The following PXDN variants were observed in gnomAD, a reference collection of about 807,000 sequenced individuals.
PXDN encodes the protein peroxidasin, also known as peroxidasin homolog.
PXDN carries 77 observed loss-of-function variants against 140.3 expected under a neutral mutation model. The ratio of observed to expected loss-of-function variants is 0.55; its 90% CI spans 0.46 to 0.66. The LOEUF (loss-of-function observed/expected upper bound fraction) is 0.66, where lower values mean the gene tolerates loss of function less well. Among genes scored for constraint, PXDN ranks in the 30% least tolerant of loss-of-function variants. The pLI, the probability that PXDN is intolerant of heterozygous loss-of-function variation, is 0.00. For synonymous variants in PXDN, 911 were observed against 857.4 expected, an observed-to-expected ratio of 1.06 and a Z score of -1.09; for missense variants, 1,838 against 2,039.5, an observed-to-expected ratio of 0.90 and a Z score of 1.90.
At chr2:1,691,250 G>A (rs1572163349) in intron 3 of PXDN, among the ~76,000 whole-genome samples, 3 of 152,134 alleles carry the variant, frequency 2.0e-5, no homozygotes, top group Admixed American at 6.6e-5. Flanking sequence ...AAAAGCACAC[G>A]ACACACACTT....
At chr2:1,643,701 G>A in intron 18 of PXDN, 125 bp from the exon 19 acceptor site, 1 of 977,528 alleles carries the variant, frequency 1.0e-6, no homozygotes, top group Middle Eastern at 2.2e-4. Context: ...TTGATTAGGT[G>A]TCACTTAAAA....
intron 1 of PXDN, among the ~76,000 whole-genome samples, chr2:1,698,179 C>A (rs1398878934): frequency 1.3e-5 from 2 of 152,190 alleles, no homozygotes; most frequent in African/African-American, 2.4e-5. Flanking sequence ...AGAAGGACGA[C>A]AAGTTTGTGT....
chr2:1,712,603 G>A (rs1449652077), intron 1 of PXDN, among the ~76,000 whole-genome samples: 1 of 152,224 alleles, frequency 6.6e-6, no homozygotes, highest in Non-Finnish European at 1.5e-5. Flanking sequence ...GAATCCCCAG[G>A]GACGGCCTGA....
chr2:1,726,860 T>C (rs1685198067), intron 1 of PXDN, among the ~76,000 whole-genome samples: 1 of 152,204 alleles, frequency 6.6e-6, no homozygotes, highest in East Asian at 1.9e-4. Flanking sequence ...TGTCCGTAAT[T>C]CTTAGCAAAG....
intron 17 of PXDN, 27 bp from the exon 18 acceptor site, chr2:1,644,779 C>A (rs1417157336): frequency 1.4e-6 from 2 of 1,466,864 alleles, no homozygotes; most frequent in Non-Finnish European, 1.8e-6. Context: ...AAACTGAAAT[C>A]TACCTAACAA....
chr2:1,687,394 G>GT lies in PXDN; in HGVS notation c.416+237dup, dbSNP rs1553364864. 3.3e-5 allele frequency among the ~76,000 whole-genome samples: 5 copies of GT among 152,142 alleles called. No individual in the cohort carries two copies. The highest frequency in any genetic ancestry group is 2.9e-5 in the Non-Finnish European group (2 of 68,026). On this transcript the variant is annotated intron_variant, in intron 4 of 22. Coordinates refer to ENST00000252804, the MANE Select transcript of PXDN (RefSeq NM_012293.3). The surrounding 1 kb of genome is among the most constrained non-coding windows in gnomAD (Gnocchi z 4.0). ...GCATGGCCCAGGGCCTGGTGCCGCCGTAAGGAAACCAGGGATACGTCCTGA... is the reference window on the plus strand; with the variant it reads ...GCATGGCCCAGGGCCTGGTGCCGCCGTTAAGGAAACCAGGGATACGTCCTGA...
rs767152881 is a variant in PXDN at position 1,657,545 on chromosome 2, G to A, written c.1838-3037C>T. 1.2e-4 allele frequency among the ~76,000 whole-genome samples: 17 copies of A among 141,864 alleles called. No individual in the cohort carries two copies. In the South Asian group the frequency reaches 2.7e-3, roughly 23 times the overall value. 93.1% of individuals were successfully genotyped at this position (141,864 alleles called of 152,430 possible). On this transcript the variant is annotated intron_variant, in intron 14 of 22. Coordinates refer to ENST00000252804, the MANE Select transcript of PXDN (RefSeq NM_012293.3). ...CCTCCTGACTGGGACCTGCCCTCTC[G>A]TGACAGACACCTGGCCCTCCTGCCT...
At chr2:1,715,689 G>C (rs963560220) in intron 1 of PXDN, among the ~76,000 whole-genome samples, 1 of 152,150 alleles carries the variant, frequency 6.6e-6, no homozygotes, top group Non-Finnish European at 1.5e-5. Flanking sequence ...GATGGAAACA[G>C]CCAGGGAAAT....
intron 1 of PXDN, among the ~76,000 whole-genome samples, chr2:1,719,090 G>A (rs1006759109): frequency 9.8e-5 from 15 of 152,342 alleles, no homozygotes; most frequent in East Asian, 1.9e-4. Context: ...CTGCACTGGC[G>A]CAGTCATGGC....
intron 1 of PXDN, among the ~76,000 whole-genome samples, chr2:1,741,155 C>T (rs1685534664): frequency 6.6e-6 from 1 of 152,100 alleles, no homozygotes; most frequent in African/African-American, 2.4e-5. Context: ...AGCACCCTAG[C>T]GGCGTGACCG....
intron 15 of PXDN, 80 bp downstream of exon 15, chr2:1,654,320 G>A: frequency 1.1e-6 from 1 of 930,178 alleles, no homozygotes. Flanking sequence ...TATTAGAACT[G>A]CATGCATTCT....
chr2:1,664,951 G>T lies in PXDN; in HGVS notation c.1408+7C>A. ...GGGAGCAGGCAAAGGGCCGGCCTGGGTCTTACCTCCCTTGGTCCAGGCGAT... is the reference window on the plus strand; with the variant it reads ...GGGAGCAGGCAAAGGGCCGGCCTGGTTCTTACCTCCCTTGGTCCAGGCGAT... On this transcript the variant is annotated splice_region_variant and intron_variant, in intron 11 of 22. Transcript: ENST00000252804. 6.3e-7 allele frequency: 1 copy of T among 1,592,452 alleles called. No homozygotes were observed. Among genetic ancestry groups the T allele is most frequent in the Non-Finnish European group, 8.6e-7 (1 of 1,163,058 alleles).
In PXDN at chr2:1,663,775, TGG is replaced by T. The variant is rs1286582382; in HGVS notation, c.1409-14_1409-13del. ...GGAGAGCTGGCTCCCTGCAAGGGCA[TGG>T]GCCCGTTACACTGGACACTCGGACG... On this transcript the variant is annotated splice_polypyrimidine_tract_variant and intron_variant, in intron 11 of 22. Coordinates refer to ENST00000252804, the MANE Select transcript of PXDN (RefSeq NM_012293.3). 1 of 1,610,636 alleles carries T rather than the reference TGG, an allele frequency of 6.2e-7. No homozygotes were observed. The highest frequency in any genetic ancestry group is 1.3e-5 in the African/African-American group (1 of 74,914).
At chr2:1,688,268 A>T (rs1007253247) in intron 3 of PXDN, among the ~76,000 whole-genome samples, 16 of 152,324 alleles carry the variant, frequency 1.1e-4, no homozygotes, top group African/African-American at 3.6e-4. Flanking sequence ...CAATAGGAGA[A>T]TCCTATTTCC....
At chr2:1,731,177 CACAT>C (rs903320090) in intron 1 of PXDN, among the ~76,000 whole-genome samples, 6 of 151,662 alleles carry the variant, frequency 4.0e-5, no homozygotes, top group Admixed American at 6.6e-5. Context: ...CACACACACA[CACAT>C]GAACTAGTGA....
In PXDN at chr2:1,687,063, A is replaced by G. The variant is rs1007280084; in HGVS notation, c.416+569T>C. Among the ~76,000 whole-genome samples the G allele has an allele frequency of 6.6e-6, 1 of 152,264 alleles. No individual in the cohort carries two copies. Among genetic ancestry groups the G allele is most frequent in the Non-Finnish European group, 1.5e-5 (1 of 68,050 alleles). On this transcript the variant is annotated intron_variant, in intron 4 of 22. Transcript: ENST00000252804. The surrounding 1 kb of genome is among the most constrained non-coding windows in gnomAD (Gnocchi z 4.0). ...AAAATCAACACGCTGACTTCACAGCAAAGTACGACTTCACGTTGGCCAAAG... is the reference window on the plus strand; with the variant it reads ...AAAATCAACACGCTGACTTCACAGCGAAGTACGACTTCACGTTGGCCAAAG...
chr2:1,666,542 T>C (rs1683449334), intron 9 of PXDN, 56 bp from the exon 10 acceptor site: 5 of 1,519,730 alleles, frequency 3.3e-6, no homozygotes, highest in East Asian at 2.3e-5. Flanking sequence ...ACATGGTTTT[T>C]GCTTGATTTT....
chr2:1,676,329 C>T (rs529073923), intron 8 of PXDN: 2 of 153,672 alleles, frequency 1.3e-5, no homozygotes, highest in African/African-American at 4.8e-5. Context: ...TAGGACTTCC[C>T]TCCGTCACCC....
chr2:1,680,408 T>A, intron 6 of PXDN, 46 bp from the exon 7 acceptor site: 1 of 1,603,372 alleles, frequency 6.2e-7, no homozygotes, highest in Non-Finnish European at 8.5e-7. Context: ...GTGGCTGGGC[T>A]TGTCCATCCA....
Sources: allele counts gnomAD v4.1 joint callset (sites outside exome capture counted in the v4.1 genomes callset), GRCh38; gene constraint gnomAD v4.1.1; non-coding constraint Gnocchi (gnomAD v3.1); transcripts MANE v1.5; gene names NCBI Gene and HGNC (gene_info 2026-07-23, HGNC 2026-07-21).